The following GFI1B variants were observed in gnomAD, a reference collection of about 807,000 sequenced individuals.
The protein encoded by GFI1B is zinc finger protein Gfi-1b.
GFI1B carries 20 observed loss-of-function variants against 35.3 expected under a neutral mutation model. The observed-to-expected ratio is 0.57, with a 90% CI of 0.40 to 0.82. The LOEUF is 0.82. GFI1B is among the 40% of genes least tolerant of loss of function. The pLI is 0.00. For synonymous variants in GFI1B, 178 were observed against 177.6 expected (o/e 1.00, Z -0.02); for missense variants, 430 against 446.3 (o/e 0.96, Z 0.33).
intron 1 of GFI1B, among the ~76,000 whole-genome samples, chr9:132,982,259 C>T (rs117868203): frequency 0.01 from 1,595 of 152,268 alleles, 16 homozygotes; most frequent in Non-Finnish European, 0.017. Flanking sequence ...TTAGCCCAAC[C>T]GTCCCTTTTA....
At chr9:132,977,183 C>T (rs1298596318), upstream of GFI1B, among the ~76,000 whole-genome samples, 1 of 152,096 alleles carries the variant, frequency 6.6e-6, no homozygotes, top group Non-Finnish European at 1.5e-5. Flanking sequence ...TCTTGAACTC[C>T]CGATCTCAAG....
chr9:132,968,687 C>CA (rs1210054361), intron 1 of GFI1B, among the ~76,000 whole-genome samples: 1 of 152,096 alleles, frequency 6.6e-6, no homozygotes, highest in Non-Finnish European at 1.5e-5. Context: ...AAGGTAGGAA[C>CA]ATTCCCTGGG....
chr9:132,984,123 A>T (rs1403093102), intron 1 of GFI1B, among the ~76,000 whole-genome samples: 1 of 152,198 alleles, frequency 6.6e-6, no homozygotes, highest in Non-Finnish European at 1.5e-5. Flanking sequence ...ATTATGCGCA[A>T]AAAAGGATCA....
At chr9:132,956,846 T>C (rs1848290735) in intron 1 of GFI1B, among the ~76,000 whole-genome samples, 1 of 152,218 alleles carries the variant, frequency 6.6e-6, no homozygotes, top group Non-Finnish European at 1.5e-5. Context: ...AGATGTCAGC[T>C]GGTGCTACAG....
chr9:132,978,042 G>A (rs915107647), upstream of GFI1B, among the ~76,000 whole-genome samples: 2 of 152,114 alleles, frequency 1.3e-5, no homozygotes, highest in African/African-American at 4.8e-5. Context: ...TGGCCGGCTC[G>A]GGTACTAGGG....
chr9:132,947,915 C>CAT (rs35308148), intron 1 of GFI1B, among the ~76,000 whole-genome samples: 32,676 of 151,284 alleles, frequency 0.22, 3,629 homozygotes, highest in African/African-American at 0.23. Context: ...CGTATTTGAA[C>CAT]AGTTTGAACA....
chr9:132,967,883 C>A (rs564667361), intron 1 of GFI1B, among the ~76,000 whole-genome samples: 1 of 152,016 alleles, frequency 6.6e-6, no homozygotes, highest in South Asian at 2.1e-4. Context: ...TGGGTTCAAG[C>A]GATTCTCCTG....
chr9:132,948,351 A>G (rs11243950), intron 1 of GFI1B, among the ~76,000 whole-genome samples: 32,792 of 152,102 alleles, frequency 0.22, 3,664 homozygotes, highest in African/African-American at 0.23. Context: ...TCATGCTGCT[A>G]TCTCCTGCAT....
At chr9:132,979,866 G>A (rs1470785769) in intron 1 of GFI1B, among the ~76,000 whole-genome samples, 1 of 152,186 alleles carries the variant, frequency 6.6e-6, no homozygotes, top group Admixed American at 6.5e-5. Flanking sequence ...GAGCTTTCAC[G>A]AGTTCTTAGG....
chr9:132,984,506 G>A (rs1052268926), intron 1 of GFI1B, among the ~76,000 whole-genome samples: 2 of 152,192 alleles, frequency 1.3e-5, no homozygotes, highest in Admixed American at 6.5e-5. Context: ...ACAGGGCCTT[G>A]AGCGCGGCCC....
intron 1 of GFI1B, among the ~76,000 whole-genome samples, chr9:132,983,004 G>C (rs1265106173): frequency 6.6e-6 from 1 of 152,086 alleles, no homozygotes; most frequent in Non-Finnish European, 1.5e-5. Context: ...TGTCCTTGTT[G>C]TGGGGCCCAG....
chr9:132,962,589 G>C, intron 1 of GFI1B: 1 of 509,080 alleles, frequency 2.0e-6, no homozygotes, highest in Non-Finnish European at 4.0e-6. Flanking sequence ...TTTCCCAGTG[G>C]AATCAGATGA....
chr9:132,954,278 A>T (rs1848247857), intron 1 of GFI1B, among the ~76,000 whole-genome samples: 1 of 152,004 alleles, frequency 6.6e-6, no homozygotes, highest in African/African-American at 2.4e-5. Flanking sequence ...TTTTTTGTAG[A>T]AACAAGGTTT....
At chr9:132,992,805 C>G (rs1207322301), downstream of GFI1B, among the ~76,000 whole-genome samples, 6 of 152,160 alleles carry the variant, frequency 3.9e-5, no homozygotes. Flanking sequence ...TGAGCTCCAG[C>G]CGCACCCCAC....
At chr9:132,957,170 T>C (rs1848295362) in intron 1 of GFI1B, among the ~76,000 whole-genome samples, 2 of 152,218 alleles carry the variant, frequency 1.3e-5, no homozygotes. Context: ...AGGTTGTAAA[T>C]TTCAGGATTC....
At chr9:132,953,145 T>C (rs1421041375) in intron 1 of GFI1B, 3 of 152,232 alleles carry the variant, frequency 2.0e-5, no homozygotes, top group South Asian at 2.1e-4. Context: ...CATCTGTTCT[T>C]TGTTCCTTTC....
chr9:132,985,467 G>A (rs559042189), intron 1 of GFI1B, among the ~76,000 whole-genome samples: 1 of 152,292 alleles, frequency 6.6e-6, no homozygotes, highest in Non-Finnish European at 1.5e-5. Flanking sequence ...AGGCCTCCAG[G>A]TGCAGTGGAG....
chr9:132,962,983 G>A (rs1038476899), intron 1 of GFI1B, among the ~76,000 whole-genome samples: 17 of 147,468 alleles, frequency 1.2e-4, no homozygotes, highest in Middle Eastern at 3.8e-3. Flanking sequence ...TTGGGAGGCT[G>A]AGGCAGGAGA....
At chr9:132,978,363 C>A (rs950376112), upstream of GFI1B, 1 of 152,154 alleles carries the variant, frequency 6.6e-6, no homozygotes, top group African/African-American at 2.4e-5. Flanking sequence ...AACCAAAGAG[C>A]AATGACTTCC....
Sources: allele counts gnomAD v4.1 joint callset (sites outside exome capture counted in the v4.1 genomes callset), GRCh38; gene constraint gnomAD v4.1.1; transcripts MANE v1.5; gene names NCBI Gene and HGNC (gene_info 2026-07-23, HGNC 2026-07-21).